ARHGAP5: variants seen among roughly 807,000 people sequenced by gnomAD.
ARHGAP5 encodes the protein Rho GTPase activating protein 5.
ARHGAP5 carries 23 observed loss-of-function variants against 116.6 expected under a neutral mutation model. The ratio of observed to expected loss-of-function variants is 0.20; its 90% CI spans 0.14 to 0.28. The LOEUF (loss-of-function observed/expected upper bound fraction) is 0.28, where lower values mean the gene tolerates loss of function less well. ARHGAP5 is among the 10% of genes least tolerant of loss of function. ARHGAP5 has a pLI of 1.00. For missense variants in ARHGAP5, 1,405 were observed against 1,774.8 expected, an observed-to-expected ratio of 0.79 and a Z score of 3.74; for synonymous variants, 574 against 602.0, an observed-to-expected ratio of 0.95 and a Z score of 0.68.
At chr14:32,082,553 A>T (rs955535217) in intron 1 of ARHGAP5, among the ~76,000 whole-genome samples, 38 of 149,814 alleles carry the variant, frequency 2.5e-4, no homozygotes, top group Admixed American at 6.7e-4. Flanking sequence ...TAATTAATTA[A>T]TTTTTTTTTT....
chr14:32,095,527 C>T (rs1218396616), intron 2 of ARHGAP5, among the ~76,000 whole-genome samples: 1 of 151,840 alleles, frequency 6.6e-6, no homozygotes, highest in African/African-American at 2.4e-5. Flanking sequence ...ATTCTCCTGC[C>T]TCAGCCTTCC....
At position 32,093,975 on chromosome 14, in the gene ARHGAP5, G is replaced by A. The variant is rs1483633074; in HGVS notation, c.3306G>A (p.Lys1102=). The change falls in exon 2 of 7, where the codon AAG becomes AAA. Residue 1102 remains lysine (K), a synonymous_variant. Coordinates refer to ENST00000345122, the MANE Select transcript of ARHGAP5 (RefSeq NM_001030055.2). ...AEPIDTIFKQ[K]GYSDEIYVVP... ...CCATTGATACAATTTTCAAACAGAA[G>A]GGCTATTCTGATGAGATTTATGTTG... The A allele has an allele frequency of 6.2e-7, 1 of 1,613,670 alleles. No homozygotes were observed. Among genetic ancestry groups the A allele is most frequent in the East Asian group, 2.2e-5 (1 of 44,880 alleles).
intron 3 of ARHGAP5, among the ~76,000 whole-genome samples, chr14:32,134,603 G>C (rs775135858): frequency 2.0e-5 from 3 of 151,996 alleles, no homozygotes; most frequent in Non-Finnish European, 4.4e-5. Flanking sequence ...CAAAATAGCC[G>C]GCCTATTGAA....
chr14:32,159,140 TACTA>T lies in ARHGAP5; in HGVS notation c.*4194_*4197del, dbSNP rs1349147609. On this transcript the variant is annotated 3_prime_UTR_variant, in exon 7 of 7. Transcript: ENST00000345122. ...CAATGATAATTAGCATTTTAGTTAA[TACTA>T]AATGCATAAAATTATAACCCTTGAA... 6.6e-6 allele frequency: 1 copy of T among 152,164 alleles called. No homozygotes were observed. Among genetic ancestry groups the T allele is most frequent in the Non-Finnish European group, 1.5e-5 (1 of 67,986 alleles). The allele number at this position is 152,164 out of a possible 1,614,324, so 9.4% of individuals were successfully genotyped here.
intron 3 of ARHGAP5, among the ~76,000 whole-genome samples, chr14:32,139,575 A>G (rs944310862): frequency 6.6e-6 from 1 of 151,954 alleles, no homozygotes; most frequent in Non-Finnish European, 1.5e-5. Flanking sequence ...TTCTGATTTT[A>G]GTAATTGGAG....
At chr14:32,120,851 A>G (rs1432466187) in intron 3 of ARHGAP5, among the ~76,000 whole-genome samples, 1 of 151,890 alleles carries the variant, frequency 6.6e-6, no homozygotes, top group Non-Finnish European at 1.5e-5. Flanking sequence ...TGTATGTCCT[A>G]TTTTATATCC....
At chr14:32,145,990 T>A (rs1183000701) in intron 3 of ARHGAP5, among the ~76,000 whole-genome samples, 1 of 152,112 alleles carries the variant, frequency 6.6e-6, no homozygotes, top group Non-Finnish European at 1.5e-5. Context: ...CTCTGTTGCC[T>A]TGACCTCCCA....
chr14:32,143,573 A>G (rs1881239027), intron 3 of ARHGAP5, among the ~76,000 whole-genome samples: 1 of 152,192 alleles, frequency 6.6e-6, no homozygotes, highest in African/African-American at 2.4e-5. Context: ...CATTACTAAA[A>G]TTTTATATTT....
intron 3 of ARHGAP5, among the ~76,000 whole-genome samples, chr14:32,120,965 T>G (rs141426722): frequency 6.6e-6 from 1 of 151,472 alleles, no homozygotes; most frequent in African/African-American, 2.4e-5. Context: ...AGATTTTACA[T>G]CATGTATTTT....
At chr14:32,143,200 TTAG>T (rs1555359259) in intron 3 of ARHGAP5, among the ~76,000 whole-genome samples, 31 of 125,396 alleles carry the variant, frequency 2.5e-4, no homozygotes, top group African/African-American at 7.4e-4. Flanking sequence ...CAACATTATT[TTAG>T]TTGTTGTTGT....
chr14:32,155,910 A>G lies in ARHGAP5; in HGVS notation c.*962A>G, dbSNP rs1460990639. 3 of 152,592 alleles carry G rather than the reference A, an allele frequency of 2.0e-5. No individual in the cohort carries two copies. Among genetic ancestry groups the G allele is most frequent in the Non-Finnish European group, 4.4e-5 (3 of 67,986 alleles). 9.5% of individuals were successfully genotyped at this position (152,592 alleles called of 1,614,324 possible). A position where few individuals can be genotyped will look rare whatever the true frequency, so the allele number is the denominator to read the frequency against. Reference sequence around the variant, plus strand: ...TTCTTTAAACCAAACATTTAAATCTAGGACTTCAATTTAATTTGTTCCTTG... The same window carrying G: ...TTCTTTAAACCAAACATTTAAATCTGGGACTTCAATTTAATTTGTTCCTTG... On this transcript the variant is annotated 3_prime_UTR_variant, in exon 7 of 7. Transcript: ENST00000345122.
In ARHGAP5 at chr14:32,158,055, G is replaced by A. The variant is rs1369240217; in HGVS notation, c.*3107G>A. Reference sequence around the variant, plus strand: ...ATGTAATTTTTGTGCTTCACCTACAGGATGCTGCAGTAAATTAAATATCAG... The same window carrying A: ...ATGTAATTTTTGTGCTTCACCTACAAGATGCTGCAGTAAATTAAATATCAG... On this transcript the variant is annotated 3_prime_UTR_variant, in exon 7 of 7. Coordinates refer to ENST00000345122, the MANE Select transcript of ARHGAP5 (RefSeq NM_001030055.2). 6.6e-6 allele frequency: 1 copy of A among 151,538 alleles called. No homozygotes were observed. Among genetic ancestry groups the A allele is most frequent in the Non-Finnish European group, 1.5e-5 (1 of 67,666 alleles). The allele number at this position is 151,538 out of a possible 1,614,324, so 9.4% of individuals were successfully genotyped here.
chr14:32,077,559 C>T lies in ARHGAP5; in HGVS notation c.-169+124C>T, dbSNP rs1021884218. On this transcript the variant is annotated intron_variant, in intron 1 of 6. Coordinates refer to ENST00000345122, the MANE Select transcript of ARHGAP5 (RefSeq NM_001030055.2). ...TGTAACCAGTTGAAGGGGCTGGGGCCCCGCGGCCGCCGAGGGGAGCCTGGC... is the reference window on the plus strand; with the variant it reads ...TGTAACCAGTTGAAGGGGCTGGGGCTCCGCGGCCGCCGAGGGGAGCCTGGC... 9.7e-5 allele frequency: 54 copies of T among 559,070 alleles called. No individual in the cohort carries two copies. In the Middle Eastern group the frequency reaches 2.4e-3, roughly 25 times the overall value. 34.6% of individuals were successfully genotyped at this position (559,070 alleles called of 1,614,324 possible). A position where few individuals can be genotyped will look rare whatever the true frequency, so the allele number is the denominator to read the frequency against.
chr14:32,096,527 A>G (rs901828063), intron 2 of ARHGAP5, among the ~76,000 whole-genome samples: 1 of 152,250 alleles, frequency 6.6e-6, no homozygotes, highest in African/African-American at 2.4e-5. Context: ...AGATTAAAAG[A>G]TAATAGAGAA....
intron 3 of ARHGAP5, among the ~76,000 whole-genome samples, chr14:32,141,589 G>A (rs1431206371): frequency 1.3e-5 from 2 of 152,000 alleles, no homozygotes; most frequent in Admixed American, 6.6e-5. Flanking sequence ...CATAACCTTC[G>A]TTATTTATTT....
chr14:32,107,215 C>G (rs1001047266), intron 2 of ARHGAP5, among the ~76,000 whole-genome samples: 4 of 152,130 alleles, frequency 2.6e-5, no homozygotes, highest in African/African-American at 9.7e-5. Flanking sequence ...GTTGAAAGTA[C>G]ACCACCTTTT....
Position 32,093,360 on chromosome 14 carries a change from CAA to C in ARHGAP5, c.2693_2694del (p.Lys898ArgfsTer5). The C allele has an allele frequency of 6.2e-7, 1 of 1,613,916 alleles. No individual in the cohort carries two copies. The highest frequency in any genetic ancestry group is 8.5e-7 in the Non-Finnish European group (1 of 1,179,932). On this transcript the variant is annotated frameshift_variant, in exon 2 of 7. Transcript: ENST00000345122. LOFTEE classifies it high-confidence loss of function. ...CAGATTTTTTTGAAAATGAGGCTAT[CAA>C]AGAGTTAATGACTGAAGGAGAACAC... The part of the protein sequence containing the change: ...QADFFENEAI[K>X]ELMTEGEHIA...
rs1309339512 is a variant in ARHGAP5 at position 32,157,966 on chromosome 14, G to C, written c.*3018G>C. 1.3e-5 allele frequency: 2 copies of C among 151,434 alleles called. No homozygotes were observed. The highest frequency in any genetic ancestry group is 4.8e-5 in the African/African-American group (2 of 41,334). The allele number at this position is 151,434 out of a possible 1,614,324, so 9.4% of individuals were successfully genotyped here. A position where few individuals can be genotyped will look rare whatever the true frequency, so the allele number is the denominator to read the frequency against. ...TACAGTAATAATTGTGATGCTATTT[G>C]TCAACTGGATATAAATACACATATA... On this transcript the variant is annotated 3_prime_UTR_variant, in exon 7 of 7. Coordinates refer to ENST00000345122, the MANE Select transcript of ARHGAP5 (RefSeq NM_001030055.2).
rs762974800 is a variant in ARHGAP5, at chr14:32,091,863, G to A, written c.1194G>A (p.Arg398=). Residue 398 remains arginine, a synonymous_variant, in exon 2 of 7, where the codon AGG becomes AGA. Coordinates refer to ENST00000345122, the MANE Select transcript of ARHGAP5 (RefSeq NM_001030055.2). ...ACCATATAGACAAAATTAATGATAG[G>A]CGGATTCCATTTGACCTCCTGAGCA... is the stretch of plus-strand genomic sequence containing the variant. The part of the protein sequence containing the change: ...ETDHIDKIND[R]RIPFDLLSTL... 3 of 1,613,300 alleles carry A rather than the reference G, an allele frequency of 1.9e-6. No homozygotes were observed. Among genetic ancestry groups the A allele is most frequent in the African/African-American group, 2.7e-5 (2 of 74,852 alleles).
Sources: allele counts gnomAD v4.1 joint callset (sites outside exome capture counted in the v4.1 genomes callset), GRCh38; gene constraint gnomAD v4.1.1; transcripts MANE v1.5; gene names NCBI Gene and HGNC (gene_info 2026-07-23, HGNC 2026-07-21).